WDPCP: variants seen among roughly 807,000 people sequenced by gnomAD.
WDPCP encodes WD repeat containing planar cell polarity effector, also known as WD repeat-containing and planar cell polarity effector protein fritz homolog.
WDPCP carries 71 observed loss-of-function variants against 93.1 expected under a neutral mutation model. The observed-to-expected ratio is 0.76, with a 90% CI of 0.63 to 0.93. The LOEUF is 0.93. Among genes scored for constraint, WDPCP ranks in the 40% least tolerant of loss-of-function variants. The pLI is 0.00. For synonymous variants in WDPCP, 315 were observed against 315.0 expected, an observed-to-expected ratio of 1.00 and a Z score of 0.00; for missense variants, 844 against 887.4, an observed-to-expected ratio of 0.95 and a Z score of 0.62.
chr2:63,807,817 G>A (rs902463084), intron 2 of WDPCP, among the ~76,000 whole-genome samples: 1 of 152,174 alleles, frequency 6.6e-6, no homozygotes, highest in African/African-American at 2.4e-5. Flanking sequence ...GAAAGAACTT[G>A]AAGATTAAAA....
chr2:63,290,625 C>T (rs1384510583), intron 13 of WDPCP, among the ~76,000 whole-genome samples: 1 of 152,074 alleles, frequency 6.6e-6, no homozygotes, highest in African/African-American at 2.4e-5. Flanking sequence ...TTTAATTTCA[C>T]TAATTTAAAA....
intron 2 of WDPCP, among the ~76,000 whole-genome samples, chr2:63,659,175 T>C (rs1710200021): frequency 6.6e-6 from 1 of 152,166 alleles, no homozygotes. Context: ...CTAAAAGAGT[T>C]AAGTGAGCTC....
chr2:63,434,908 T>A (rs1697033812), intron 8 of WDPCP, among the ~76,000 whole-genome samples: 1 of 152,116 alleles, frequency 6.6e-6, no homozygotes, highest in African/African-American at 2.4e-5. Flanking sequence ...CATTTATGTA[T>A]TGTATTTAGT....
chr2:63,565,332 C>T (rs1010625874), intron 1 of WDPCP, among the ~76,000 whole-genome samples: 25 of 152,060 alleles, frequency 1.6e-4, no homozygotes, highest in African/African-American at 3.9e-4. Context: ...CGCTTCAATA[C>T]GAGTTTGAAT....
At chr2:63,695,359 T>G (rs1156539940) in intron 2 of WDPCP, among the ~76,000 whole-genome samples, 1 of 152,220 alleles carries the variant, frequency 6.6e-6, no homozygotes, top group South Asian at 2.1e-4. Context: ...ATTTAGAAGA[T>G]TTAAGATTAG....
At chr2:63,603,510 C>T (rs775108629) in intron 3 of WDPCP, among the ~76,000 whole-genome samples, 21 of 152,132 alleles carry the variant, frequency 1.4e-4, no homozygotes, top group Admixed American at 1.1e-3. Flanking sequence ...AATATTTTTC[C>T]ACATTCCCTT....
At chr2:63,264,509 GGTTCA>G (rs1434462148) in intron 13 of WDPCP, among the ~76,000 whole-genome samples, 3 of 152,052 alleles carry the variant, frequency 2.0e-5, no homozygotes, top group African/African-American at 7.2e-5. Flanking sequence ...AGTGATAAAG[GGTTCA>G]GTTCATCAAG....
chr2:63,546,969 T>A (rs1050893637), intron 1 of WDPCP, among the ~76,000 whole-genome samples: 1 of 151,348 alleles, frequency 6.6e-6, no homozygotes, highest in Non-Finnish European at 1.5e-5. Flanking sequence ...AAATGAAAAA[T>A]ATAATACTTG....
chr2:63,744,270 A>T (rs956242758), intron 2 of WDPCP, among the ~76,000 whole-genome samples: 6 of 152,130 alleles, frequency 3.9e-5, no homozygotes, highest in African/African-American at 1.4e-4. Context: ...CTAACCTGAA[A>T]GCTGCAACAG....
chr2:63,762,448 G>T (rs1362727943), intron 2 of WDPCP, among the ~76,000 whole-genome samples: 2 of 152,152 alleles, frequency 1.3e-5, no homozygotes, highest in Non-Finnish European at 2.9e-5. Context: ...GGCATTTTTG[G>T]TTTGAGTCAA....
At chr2:63,813,118 G>C (rs1575780348) in intron 2 of WDPCP, among the ~76,000 whole-genome samples, 1 of 152,110 alleles carries the variant, frequency 6.6e-6, no homozygotes, top group East Asian at 1.9e-4. Flanking sequence ...GCCTCCCAAA[G>C]TGCTGGGATT....
intron 3 of WDPCP, chr2:63,607,210 C>CT (rs1029726851): frequency 3.5e-6 from 1 of 287,834 alleles, no homozygotes; most frequent in African/African-American, 2.2e-5. Flanking sequence ...GACTCAGACT[C>CT]TGTTTCTAGC....
chr2:63,258,945 A>C (rs1217722780), intron 14 of WDPCP, among the ~76,000 whole-genome samples: 1 of 152,194 alleles, frequency 6.6e-6, no homozygotes, highest in African/African-American at 2.4e-5. Context: ...AATTCTTTTG[A>C]GAAATGACAT....
intron 17 of WDPCP, among the ~76,000 whole-genome samples, chr2:63,130,570 A>C (rs558250529): frequency 6.6e-6 from 1 of 152,232 alleles, no homozygotes; most frequent in East Asian, 1.9e-4. Flanking sequence ...GTTTGTTTTC[A>C]AGATTGTTTT....
At chr2:63,504,038 C>T (rs140017680) in intron 1 of WDPCP, among the ~76,000 whole-genome samples, 4 of 152,156 alleles carry the variant, frequency 2.6e-5, no homozygotes, top group African/African-American at 4.8e-5. Flanking sequence ...CAGATTGCTA[C>T]CCACTCCTCT....
At chr2:63,450,689 CA>C (rs1156799288) in intron 6 of WDPCP, among the ~76,000 whole-genome samples, 3 of 152,166 alleles carry the variant, frequency 2.0e-5, no homozygotes, top group Non-Finnish European at 4.4e-5. Flanking sequence ...ATAGCCCCCA[CA>C]AATAACCACA....
chr2:63,198,050 T>C lies in WDPCP; in HGVS notation c.1916-23218A>G, dbSNP rs1296935941. ...TTACAGGTTATACCAGAGTTGACCT[T>C]TGTTTTCTTCTAGTACTTATATGGT... On this transcript the variant is annotated intron_variant, in intron 14 of 17. Coordinates refer to ENST00000272321, the MANE Select transcript of WDPCP (RefSeq NM_015910.7). Among the ~76,000 whole-genome samples, 3 of 152,192 alleles carry C rather than the reference T, an allele frequency of 2.0e-5. 1 individual carries two copies. The highest frequency in any genetic ancestry group is 4.4e-5 in the Non-Finnish European group (3 of 68,042).
intron 5 of WDPCP, 89 bp from the exon 6 acceptor site, chr2:63,484,752 G>C (rs1029671449): frequency 1.3e-6 from 2 of 1,554,092 alleles, no homozygotes; most frequent in Non-Finnish European, 1.8e-6. Flanking sequence ...AGCAAAAAAA[G>C]ATCAACATGC....
At chr2:63,624,165 T>G (rs1709781129) in intron 3 of WDPCP, among the ~76,000 whole-genome samples, 3 of 152,198 alleles carry the variant, frequency 2.0e-5, no homozygotes, top group Non-Finnish European at 4.4e-5. Context: ...TATCAGAATC[T>G]CTGGGGCACT....
Sources: gnomAD v4.1 joint callset for allele counts (sites outside exome capture counted in the v4.1 genomes callset) on GRCh38, gnomAD v4.1.1 for gene constraint, MANE v1.5 for transcripts, NCBI Gene and HGNC (gene_info 2026-07-23, HGNC 2026-07-21) for gene names.